Variants in PCDHA6 observed in about 807,000 individuals in gnomAD.
PCDHA6 encodes protocadherin alpha 6.
PCDHA6 carries 55 observed loss-of-function variants against 60.3 expected under a neutral mutation model. The ratio of observed to expected loss-of-function variants is 0.91; its 90% CI spans 0.73 to 1.14. The LOEUF (loss-of-function observed/expected upper bound fraction) is 1.14. Among genes scored for constraint, PCDHA6 ranks in the 50% most tolerant of loss-of-function variants. The pLI is 0.00. For synonymous variants in PCDHA6, 652 were observed against 557.9 expected (o/e 1.17, Z -2.38); for missense variants, 1,327 against 1,256.5 (o/e 1.06, Z -0.85).
intron 1 of PCDHA6, among the ~76,000 whole-genome samples, chr5:140,871,917 C>T (rs1156778814): frequency 2.0e-5 from 3 of 152,178 alleles, no homozygotes; most frequent in Admixed American, 2.0e-4. Context: ...CTTGATATTT[C>T]CACATTGTTA....
rs375716587 is a variant in PCDHA6 at position 140,871,025 on chromosome 5, C to T, written c.2394+40540C>T. ...ACGCGTGCCCTGGACGAGGCAGACT[C>T]GCCGCGCCACCGACTTCTAGTACTG... On this transcript the variant is annotated intron_variant, in intron 1 of 3. Transcript: ENST00000529310. 13 of 1,613,228 alleles carry T rather than the reference C, an allele frequency of 8.1e-6. No homozygotes were observed. Among genetic ancestry groups the T allele is most frequent in the Admixed American group, 1.7e-5 (1 of 60,010 alleles).
intron 3 of PCDHA6, among the ~76,000 whole-genome samples, chr5:140,992,399 A>G (rs1276372325): frequency 1.3e-5 from 2 of 152,138 alleles, no homozygotes; most frequent in Admixed American, 6.6e-5. Context: ...ACTTAGAGAT[A>G]TTGTTCTGCC....
In PCDHA6 at chr5:140,828,373, G is replaced by A. The variant is rs1554131267; in HGVS notation, c.282G>A (p.Glu94=). 6.2e-7 allele frequency: 1 copy of A among 1,614,292 alleles called. No individual in the cohort carries two copies. The highest frequency in any genetic ancestry group is 1.7e-5 in the Admixed American group (1 of 60,038). The change falls in exon 1 of 4, where the codon GAG becomes GAA. Residue 94 remains glutamate (E), a synonymous_variant. Coordinates refer to ENST00000529310, the MANE Select transcript of PCDHA6 (RefSeq NM_018909.4). The stretch of plus-strand genomic sequence containing the variant: ...TGAATTCTCGGATCGACCGCGAGGA[G>A]CTGTGCGGGCGGAGCGCGGAGTGCA... ...LFVNSRIDRE[E]LCGRSAECSI...
At chr5:140,840,564 T>C (rs1432242411) in intron 1 of PCDHA6, among the ~76,000 whole-genome samples, 1 of 152,054 alleles carries the variant, frequency 6.6e-6, no homozygotes, top group Non-Finnish European at 1.5e-5. Flanking sequence ...CTGCTAGAGT[T>C]TGGCATGTCA....
chr5:140,856,140 A>G lies in PCDHA6; in HGVS notation c.2394+25655A>G, dbSNP rs782672623. Reference sequence around the variant, plus strand: ...TGGGAGGTGGGGAGCGGCCAGCTCCACTACTCAGTCTACGAGGAGGCCAGA... The same window carrying G: ...TGGGAGGTGGGGAGCGGCCAGCTCCGCTACTCAGTCTACGAGGAGGCCAGA... On this transcript the variant is annotated intron_variant, in intron 1 of 3. Transcript: ENST00000529310. 4.4e-6 allele frequency: 7 copies of G among 1,598,030 alleles called. 1 individual carries two copies. The African/African-American group carries it at 8.1e-5, about 18-fold the overall frequency.
At chr5:140,840,542 A>G (rs1776756307) in intron 1 of PCDHA6, among the ~76,000 whole-genome samples, 1 of 152,060 alleles carries the variant, frequency 6.6e-6, no homozygotes, top group South Asian at 2.1e-4. Context: ...TAACAAGCCA[A>G]TGATGGCAAT....
chr5:140,999,368 A>G (rs549083218), intron 3 of PCDHA6, among the ~76,000 whole-genome samples: 1 of 152,280 alleles, frequency 6.6e-6, no homozygotes, highest in African/African-American at 2.4e-5. Context: ...TCACAATCCC[A>G]TTAGATGGTT....
chr5:140,894,478 A>C (rs2064495460), intron 1 of PCDHA6, among the ~76,000 whole-genome samples: 2 of 151,508 alleles, frequency 1.3e-5, no homozygotes, highest in South Asian at 4.2e-4. Context: ...TCTTGTTTTC[A>C]TCTTATAGTT....
At chr5:140,842,099 A>G (rs1554138785) in intron 1 of PCDHA6, 1 of 1,613,876 alleles carries the variant, frequency 6.2e-7, no homozygotes, top group Non-Finnish European at 8.5e-7. Flanking sequence ...CAACGGAACA[A>G]CAGTTATCAA....
At chr5:140,862,494 G>A (rs1008951764) in intron 1 of PCDHA6, 2 of 389,834 alleles carry the variant, frequency 5.1e-6, no homozygotes, top group South Asian at 2.0e-5. Context: ...GTAATCGCTC[G>A]GAATGGGGAC....
chr5:140,993,265 C>A (rs1196226593), intron 3 of PCDHA6, among the ~76,000 whole-genome samples: 1 of 152,062 alleles, frequency 6.6e-6, no homozygotes, highest in Non-Finnish European at 1.5e-5. Flanking sequence ...AAATTAGCTT[C>A]TTTGGTCTTT....
At chr5:140,928,504 A>G (rs1408229072) in intron 1 of PCDHA6, 1 of 1,614,092 alleles carries the variant, frequency 6.2e-7, no homozygotes, top group African/African-American at 1.3e-5. Flanking sequence ...CAGAAGTGCA[A>G]CAGTGACTAT....
At chr5:140,935,894 CTTT>C (rs55841305) in intron 1 of PCDHA6, among the ~76,000 whole-genome samples, 2 of 136,728 alleles carry the variant, frequency 1.5e-5, no homozygotes, top group African/African-American at 2.7e-5. Context: ...TCAATATTAT[CTTT>C]TTTTTTTTTT....
intron 1 of PCDHA6, chr5:140,865,192 A>C (rs1306002523): frequency 3.9e-5 from 6 of 152,218 alleles, no homozygotes; most frequent in Non-Finnish European, 8.8e-5. Flanking sequence ...CCTTCACACC[A>C]TATTAATGTG....
intron 1 of PCDHA6, chr5:140,968,754 G>A (rs782271569): frequency 1.2e-5 from 19 of 1,614,052 alleles, no homozygotes; most frequent in South Asian, 2.2e-5. Context: ...GTGGTGGTCC[G>A]AGATAATGGA....
rs782755765 is a variant in PCDHA6, at chr5:140,869,235, C to T, written c.2394+38750C>T. On this transcript the variant is annotated intron_variant, in intron 1 of 3. Coordinates refer to ENST00000529310, the MANE Select transcript of PCDHA6 (RefSeq NM_018909.4). ...CGGAGGAGGCCAAACACGGCACCTT[C>T]GTGGGCCGCATCGCGCAGGACCTGG... is the stretch of plus-strand genomic sequence containing the variant. 1.2e-5 allele frequency: 19 copies of T among 1,613,568 alleles called. No homozygotes were observed. The South Asian group carries it at 1.5e-4, about 13-fold the overall frequency.
intron 1 of PCDHA6, chr5:140,875,915 T>C: frequency 6.2e-7 from 1 of 1,614,214 alleles, no homozygotes; most frequent in Non-Finnish European, 8.5e-7. Context: ...TCTGCGCCTC[T>C]GGACTCTCAT....
At chr5:141,000,415 ATATATATTTTTT>A (rs1251582263) in intron 3 of PCDHA6, among the ~76,000 whole-genome samples, 1 of 87,388 alleles carries the variant, frequency 1.1e-5, no homozygotes, top group East Asian at 3.4e-4. Context: ...ATATATATAT[ATATATATTTTTT>A]TTTTTTTTTT....
intron 1 of PCDHA6, chr5:140,884,589 C>G: frequency 1.9e-6 from 3 of 1,614,146 alleles, no homozygotes; most frequent in Admixed American, 3.3e-5. Context: ...GCCTTCAGTC[C>G]CAGCCTTCCT....
Sources: gnomAD v4.1 joint callset for allele counts (sites outside exome capture counted in the v4.1 genomes callset) on GRCh38, gnomAD v4.1.1 for gene constraint, MANE v1.5 for transcripts, NCBI Gene and HGNC (gene_info 2026-07-23, HGNC 2026-07-21) for gene names.